WDR4: variants seen among roughly 807,000 people sequenced by gnomAD.
The protein encoded by WDR4 is tRNA (guanine-N(7)-)-methyltransferase non-catalytic subunit WDR4.
In WDR4, 47 loss-of-function variants were observed where a neutral mutation model predicts 48.6. That is an observed-to-expected ratio of 0.97 (90% confidence interval 0.77 to 1.23). WDR4 has a LOEUF of 1.23. Ranked by LOEUF, WDR4 falls within the 50% of genes most tolerant of loss-of-function variation. The pLI is 0.00. For missense variants in WDR4, 606 were observed against 551.6 expected (o/e 1.10, Z -0.99); for synonymous variants, 268 against 230.0 (o/e 1.17, Z -1.49).
At chr21:42,859,575 A>ACAGGGGCCAGCGATCCT in intron 6 of WDR4, 87 bp downstream of exon 6, 2 of 1,387,638 alleles carry the variant, frequency 1.4e-6, no homozygotes, top group Non-Finnish European at 2.0e-6. Flanking sequence ...CCAGCGATCC[A>ACAGGGGCCAGCGATCCT]CAGGGGCCAG....
the WDR4 span, among the ~76,000 whole-genome samples, chr21:42,888,090 TC>T: frequency 6.6e-6 from 1 of 152,200 alleles, no homozygotes; most frequent in African/African-American, 2.4e-5. Context: ...GCTATGTGGT[TC>T]ATCCTAGTTT....
At chr21:42,853,954 A>C (rs2057913672) in intron 8 of WDR4, among the ~76,000 whole-genome samples, 1 of 152,148 alleles carries the variant, frequency 6.6e-6, no homozygotes, top group South Asian at 2.1e-4. Flanking sequence ...TAAGCTCTGG[A>C]GTGGCTCGTG....
chr21:42,884,674 C>T, the WDR4 span, among the ~76,000 whole-genome samples: 4 of 151,932 alleles, frequency 2.6e-5, 1 homozygote, highest in East Asian at 3.9e-4. Flanking sequence ...TTTCAGGGAC[C>T]GCCAAGCTGA....
intron 1 of WDR4, among the ~76,000 whole-genome samples, chr21:42,877,607 AT>A (rs1343191185): frequency 1.3e-5 from 2 of 152,128 alleles, no homozygotes; most frequent in African/African-American, 2.4e-5. Flanking sequence ...AACAAACTTT[AT>A]TTGCTTAATC....
At chr21:42,865,721 G>A (rs888649214) in intron 3 of WDR4, among the ~76,000 whole-genome samples, 6 of 151,880 alleles carry the variant, frequency 4.0e-5, no homozygotes, top group African/African-American at 9.7e-5. Context: ...AACCCCGCCC[G>A]CCCTCCAACC....
chr21:42,890,886 T>C, the WDR4 span, among the ~76,000 whole-genome samples: 1 of 152,374 alleles, frequency 6.6e-6, no homozygotes, highest in African/African-American at 2.4e-5. Flanking sequence ...CCTTTCTCTT[T>C]GGCCAAACAC....
chr21:42,859,558 C>CCAGGGACCAGCGATCCA (rs1569321107), intron 6 of WDR4, 104 bp downstream of exon 6: 1 of 819,492 alleles, frequency 1.2e-6, no homozygotes, highest in East Asian at 3.1e-5. Context: ...CCACAGCCAG[C>CCAGGGACCAGCGATCCA]CAGGGGCCAG....
At chr21:42,864,107 CAAAAAAAAAA>C (rs776906461) in intron 3 of WDR4, among the ~76,000 whole-genome samples, 11,239 of 49,018 alleles carry the variant, frequency 0.23, 1,096 homozygotes, top group Non-Finnish European at 0.27. Flanking sequence ...GACTCCGTCT[CAAAAAAAAAA>C]AAAAAAAAAA....
intron 9 of WDR4, among the ~76,000 whole-genome samples, chr21:42,853,352 C>T (rs1232444236): frequency 1.3e-5 from 2 of 152,212 alleles, no homozygotes; most frequent in African/African-American, 2.4e-5. Context: ...CAGACATCAC[C>T]ACATGGGACA....
Position 42,868,414 on chromosome 21 carries a change from TGAAA to T in WDR4, c.297-4822_297-4819del, listed in dbSNP as rs371878289. On this transcript the variant is annotated intron_variant, in intron 3 of 10. Transcript: ENST00000398208. Reference sequence around the variant, plus strand: ...TCACAGCCGCAGCACTGTCCAGACTTGAAAGAGTCAGCGTCTTCAAGACACGAGT... The same window carrying T: ...TCACAGCCGCAGCACTGTCCAGACTTGAGTCAGCGTCTTCAAGACACGAGT... Among the ~76,000 whole-genome samples the T allele has an allele frequency of 4.3e-3, 656 of 152,264 alleles. 5 individuals are homozygous for T. Among genetic ancestry groups the T allele is most frequent in the African/African-American group, 0.015 (629 of 41,550 alleles).
rs367680152 is a variant in WDR4, at chr21:42,874,990, A to C, written c.156-1299T>G. 1.4e-4 allele frequency among the ~76,000 whole-genome samples: 22 copies of C among 152,170 alleles called. 1 individual carries two copies. The South Asian group carries it at 2.1e-3, about 14-fold the overall frequency. ...CTGGTTTTACGGCTCAGGAGGCATC[A>C]CGGAACCTACCGACATGTGATGTCT... On this transcript the variant is annotated intron_variant, in intron 2 of 10. Coordinates refer to ENST00000398208, the MANE Select transcript of WDR4 (RefSeq NM_018669.6).
At chr21:42,866,875 G>C (rs748232697) in intron 3 of WDR4, among the ~76,000 whole-genome samples, 1 of 152,244 alleles carries the variant, frequency 6.6e-6, no homozygotes, top group Middle Eastern at 3.4e-3. Flanking sequence ...GTTGAAAGTG[G>C]CAGTAACTTC....
At chr21:42,850,989 C>T (rs1277774949) in intron 10 of WDR4, among the ~76,000 whole-genome samples, 1 of 152,216 alleles carries the variant, frequency 6.6e-6, no homozygotes, top group African/African-American at 2.4e-5. Flanking sequence ...CTCCCCGCCC[C>T]TCCAGCGACT....
upstream of WDR4, among the ~76,000 whole-genome samples, chr21:42,882,305 G>A (rs909953485): frequency 3.9e-4 from 58 of 146,884 alleles, no homozygotes; most frequent in African/African-American, 1.4e-3. Flanking sequence ...GCTCACACCT[G>A]TAATCCCAAC....
rs141960717 is a variant in WDR4 at position 42,862,325 on chromosome 21, C to T, written c.523G>A (p.Ala175Thr). 2.2e-4 allele frequency: 351 copies of T among 1,611,680 alleles called. No homozygotes were observed. The highest frequency in any genetic ancestry group is 2.8e-4 in the Non-Finnish European group (332 of 1,179,282). Reference sequence around the variant, plus strand: ...AAGGACTCGATGCTATGGGGCGCCGCGGCCCAGCTGACTCGGATCTTCTCG... The same window carrying T: ...AAGGACTCGATGCTATGGGGCGCCGTGGCCCAGCTGACTCGGATCTTCTCG... ...RDEKIRVSWA[A>T]APHSIESFCL... Residue 175 changes from alanine (A) to threonine (T), a missense_variant, in exon 5 of 11, where the codon GCG becomes ACG. Ala to Thr is a moderately conservative substitution (Grantham distance 58). Transcript: ENST00000398208. The surrounding 1 kb of genome is among the most constrained non-coding windows in gnomAD (Gnocchi z 4.3).
chr21:42,874,602 G>A (rs965258890), intron 2 of WDR4, among the ~76,000 whole-genome samples: 22 of 152,082 alleles, frequency 1.4e-4, no homozygotes, highest in African/African-American at 5.1e-4. Context: ...ATGCGCCCCT[G>A]AGGGTGGGCC....
At chr21:42,867,392 C>CAAAAAAAAAA (rs1569329587) in intron 3 of WDR4, among the ~76,000 whole-genome samples, 1 of 64,946 alleles carries the variant, frequency 1.5e-5, no homozygotes. Context: ...CTCCGCTCCA[C>CAAAAAAAAAA]CAAAAAAAAA....
chr21:42,848,638 TCACA>T (rs199872822), downstream of WDR4, among the ~76,000 whole-genome samples: 1 of 33,804 alleles, frequency 3.0e-5, no homozygotes. Context: ...ACCGCGCACC[TCACA>T]CACACAGCGC....
At chr21:42,888,257 G>A in the WDR4 span, among the ~76,000 whole-genome samples, 1 of 152,168 alleles carries the variant, frequency 6.6e-6, no homozygotes, top group African/African-American at 2.4e-5. Context: ...ATAGATATAA[G>A]TATCTATATT....
Sources: allele counts gnomAD v4.1 joint callset (sites outside exome capture counted in the v4.1 genomes callset), GRCh38; gene constraint gnomAD v4.1.1; non-coding constraint Gnocchi (gnomAD v3.1); transcripts MANE v1.5; gene names NCBI Gene and HGNC (gene_info 2026-07-23, HGNC 2026-07-21).